The following MAP7 variants were observed in gnomAD, a reference collection of about 807,000 sequenced individuals.
The protein encoded by MAP7 is ensconsin.
MAP7 carries 52 observed loss-of-function variants against 94.8 expected under a neutral mutation model. That is an observed-to-expected ratio of 0.55 (90% CI 0.44 to 0.69). The LOEUF (loss-of-function observed/expected upper bound fraction) is 0.69, where lower values mean the gene tolerates loss of function less well. Among genes scored for constraint, MAP7 ranks in the 30% least tolerant of loss-of-function variants. MAP7 has a pLI of 0.00. For synonymous variants in MAP7, 350 were observed against 357.0 expected (o/e 0.98, Z 0.22); for missense variants, 940 against 964.6 (o/e 0.97, Z 0.34).
intron 2 of MAP7, among the ~76,000 whole-genome samples, chr6:136,415,972 G>A (rs1455441561): frequency 1.3e-5 from 2 of 152,206 alleles, no homozygotes; most frequent in Non-Finnish European, 2.9e-5. Flanking sequence ...GAATTGTAGA[G>A]TGAAAAAGTT....
intron 1 of MAP7, among the ~76,000 whole-genome samples, chr6:136,468,789 C>T (rs992837167): frequency 7.2e-5 from 11 of 152,182 alleles, no homozygotes; most frequent in Non-Finnish European, 1.0e-4. Context: ...GACCTGGCTG[C>T]ACTATGTTCT....
intron 1 of MAP7, among the ~76,000 whole-genome samples, chr6:136,466,010 A>G (rs144663178): frequency 3.6e-3 from 555 of 152,282 alleles, no homozygotes; most frequent in Non-Finnish European, 6.6e-3. Context: ...ACTTCTAGAA[A>G]AGAAAATAAA....
Position 136,365,734 on chromosome 6 carries a change from CCAGGGCCAACTT to C in MAP7, c.1262_1273del (p.Glu421_Pro424del), listed in dbSNP as rs1407886491. On this transcript the variant is annotated inframe_deletion and splice_region_variant, in exon 10 of 18. Coordinates refer to ENST00000354570, the MANE Select transcript of MAP7 (RefSeq NM_003980.6). ...CAGACCACAGGTGAGTTTGCTCTTA[CCAGGGCCAACTT>C]CTGGTTCAGCAGGTGTCCGCTCTTC... is the stretch of plus-strand genomic sequence containing the variant. The C allele has an allele frequency of 6.2e-7, 1 of 1,613,236 alleles. No homozygotes were observed. Among genetic ancestry groups the C allele is most frequent in the East Asian group, 2.2e-5 (1 of 44,872 alleles).
At chr6:136,413,148 C>CA (rs1285715216) in intron 2 of MAP7, among the ~76,000 whole-genome samples, 1 of 151,950 alleles carries the variant, frequency 6.6e-6, no homozygotes, top group Non-Finnish European at 1.5e-5. Context: ...GGCAACAGAG[C>CA]AAGACTCTGT....
At chr6:136,537,669 T>C (rs762266563) in intron 1 of MAP7, among the ~76,000 whole-genome samples, 16 of 152,248 alleles carry the variant, frequency 1.1e-4, no homozygotes, top group Non-Finnish European at 1.8e-4. Flanking sequence ...AACACTTGTT[T>C]AATCAATTTC....
chr6:136,421,482 G>A (rs1791333309), intron 2 of MAP7, among the ~76,000 whole-genome samples: 1 of 152,182 alleles, frequency 6.6e-6, no homozygotes, highest in African/African-American at 2.4e-5. Context: ...ACATTTTAAA[G>A]AGAGAAAACC....
intron 1 of MAP7, among the ~76,000 whole-genome samples, chr6:136,510,454 C>T (rs1822923762): frequency 6.6e-6 from 1 of 152,098 alleles, no homozygotes; most frequent in Non-Finnish European, 1.5e-5. Context: ...CTTGACAAAA[C>T]ACCAGTGAGT....
At chr6:136,368,632 T>C (rs1051462041) in intron 8 of MAP7, among the ~76,000 whole-genome samples, 6 of 152,186 alleles carry the variant, frequency 3.9e-5, no homozygotes, top group Non-Finnish European at 8.8e-5. Context: ...AAAGGAAATT[T>C]GAAAAACAAC....
chr6:136,411,629 T>C lies in MAP7; in HGVS notation c.235A>G (p.Lys79Glu), dbSNP rs772050662. 4 of 1,560,200 alleles carry C rather than the reference T, an allele frequency of 2.6e-6. No homozygotes were observed. Among genetic ancestry groups the C allele is most frequent in the Non-Finnish European group, 3.5e-6 (4 of 1,151,148 alleles). The change falls in exon 3 of 18, where the codon AAA (lysine) becomes GAA (glutamate). Residue 79 changes from lysine to glutamate, a missense_variant. Lys to Glu is a moderately conservative substitution (Grantham distance 56). Transcript: ENST00000354570. The stretch of plus-strand genomic sequence containing the variant: ...ACGGGGCCTGGGGTACCTAGCTGTT[T>C]CTCCCGTTCCTCACGTCGCTCCCGG... ...LARERREERE[K>E]QLAAREIVWL...
rs1033255002 is a variant in MAP7, at chr6:136,416,721, G to A, written c.166+4980C>T. Among the ~76,000 whole-genome samples, 9 of 151,998 alleles carry A rather than the reference G, an allele frequency of 5.9e-5. No individual in the cohort carries two copies. In the South Asian group the frequency reaches 6.2e-4, roughly 11 times the overall value. ...CTTGGGAGGCTGAGGCAGGAGAATC[G>A]CTTGAACCTGGGAGGCGGAGGTTGC... On this transcript the variant is annotated intron_variant, in intron 2 of 17. Transcript: ENST00000354570.
At chr6:136,549,305 T>C (rs1168320863) in intron 1 of MAP7, among the ~76,000 whole-genome samples, 1 of 152,170 alleles carries the variant, frequency 6.6e-6, no homozygotes, top group Non-Finnish European at 1.5e-5. Context: ...TTGAATTTCT[T>C]TTTAAAGTAA....
At chr6:136,546,522 A>T (rs1829750829) in intron 1 of MAP7, among the ~76,000 whole-genome samples, 1 of 152,106 alleles carries the variant, frequency 6.6e-6, no homozygotes, top group South Asian at 2.1e-4. Context: ...AATGATCTCC[A>T]GTTCCACCAC....
chr6:136,366,270 A>C, intron 9 of MAP7, 57 bp downstream of exon 9: 2 of 1,327,854 alleles, frequency 1.5e-6, no homozygotes, highest in Non-Finnish European at 2.2e-6. Flanking sequence ...TTCAGAGGAG[A>C]GAGCTACTAA....
chr6:136,424,216 T>C (rs1323098604), intron 1 of MAP7, among the ~76,000 whole-genome samples: 5 of 151,804 alleles, frequency 3.3e-5, no homozygotes, highest in Non-Finnish European at 5.9e-5. Flanking sequence ...AAATCCTCAT[T>C]AACTAGAAGA....
chr6:136,445,955 T>C (rs557910941), intron 1 of MAP7, among the ~76,000 whole-genome samples: 1 of 152,330 alleles, frequency 6.6e-6, no homozygotes, highest in Non-Finnish European at 1.5e-5. Context: ...GATTTTTCCC[T>C]ACCAGCAATG....
rs1486871877 is a variant in MAP7, at chr6:136,372,571, A to G, written c.806T>C (p.Met269Thr). The G allele has an allele frequency of 6.2e-7, 1 of 1,614,204 alleles. No individual in the cohort carries two copies. Among genetic ancestry groups the G allele is most frequent in the South Asian group, 1.1e-5 (1 of 91,082 alleles). Residue 269 changes from methionine (M) to threonine (T), a missense_variant, in exon 8 of 18, where the codon ATG becomes ACG. Physicochemically the swap from Met to Thr is moderately conservative, Grantham distance 81 (BLOSUM62 -1). Transcript: ENST00000354570. ...TGTTACAAAGAGTTTTGGTCGATCC[A>G]TCGAATTTCTAGAGTGTGCAGCTTT... The part of the protein sequence containing the change: ...PYKAAHSRNS[M>T]DRPKLFVTPP...
intron 1 of MAP7, among the ~76,000 whole-genome samples, chr6:136,482,837 C>G (rs983390300): frequency 6.6e-6 from 1 of 152,000 alleles, no homozygotes; most frequent in East Asian, 1.9e-4. Flanking sequence ...ATTTTAAAAC[C>G]GCTAAACTGT....
chr6:136,368,003 T>C (rs1435644042), intron 8 of MAP7, among the ~76,000 whole-genome samples: 1 of 152,160 alleles, frequency 6.6e-6, no homozygotes, highest in Non-Finnish European at 1.5e-5. Context: ...TTGGGGATTA[T>C]TATTATCTGT....
At chr6:136,383,438 G>A (rs762838358) in intron 6 of MAP7, among the ~76,000 whole-genome samples, 7 of 152,318 alleles carry the variant, frequency 4.6e-5, no homozygotes, top group Non-Finnish European at 7.4e-5. Context: ...GAGAAGCACC[G>A]CTTTCGTCAC....
Sources: gnomAD v4.1 joint callset for allele counts (sites outside exome capture counted in the v4.1 genomes callset) on GRCh38, gnomAD v4.1.1 for gene constraint, MANE v1.5 for transcripts, NCBI Gene and HGNC (gene_info 2026-07-23, HGNC 2026-07-21) for gene names.